INTS4: variants seen among roughly 807,000 people sequenced by gnomAD.
INTS4 encodes MSTP093.
In INTS4, 70 loss-of-function variants were observed where a neutral mutation model predicts 119.5. The observed-to-expected ratio is 0.59, with a 90% CI of 0.48 to 0.71. The LOEUF (loss-of-function observed/expected upper bound fraction) is 0.71, where lower values mean the gene tolerates loss of function less well. Ranked by LOEUF, INTS4 falls within the 30% of genes least tolerant of loss-of-function variation. The pLI is 0.00. For missense variants in INTS4, 867 were observed against 1,173.2 expected (o/e 0.74, Z 3.81); for synonymous variants, 316 against 419.6 (o/e 0.75, Z 3.02).
In INTS4 at chr11:77,990,883, C is replaced by T. The variant is rs534970029; in HGVS notation, c.246+225G>A. ...TCACAGTAACTTCAGCAGTATGATG[C>T]ACCTTATCATTGACATGTCTTGTTT... On this transcript the variant is annotated intron_variant, in intron 2 of 22. Transcript: ENST00000534064. 2.0e-5 allele frequency among the ~76,000 whole-genome samples: 3 copies of T among 152,218 alleles called. No individual in the cohort carries two copies. The South Asian group carries it at 6.2e-4, about 32-fold the overall frequency.
At chr11:77,894,447 G>C in intron 18 of INTS4, 98 bp from the exon 19 acceptor site, 1 of 633,908 alleles carries the variant, frequency 1.6e-6, no homozygotes, top group Middle Eastern at 2.6e-4. Context: ...AGGAAAATTA[G>C]CATATTATAC....
intron 10 of INTS4, 87 bp downstream of exon 10, chr11:77,938,564 A>G: frequency 6.6e-7 from 1 of 1,508,064 alleles, no homozygotes. Context: ...GGACTAAATG[A>G]AACGATACAT....
intron 9 of INTS4, among the ~76,000 whole-genome samples, chr11:77,940,325 G>A (rs1015726738): frequency 2.6e-5 from 4 of 152,160 alleles, no homozygotes; most frequent in African/African-American, 9.7e-5. Flanking sequence ...CAGCTACTCA[G>A]GAGGGTGAGG....
At chr11:77,875,326 CAGTGAGGATGTAGA>C (rs1214483619), downstream of INTS4, among the ~76,000 whole-genome samples, 1 of 152,186 alleles carries the variant, frequency 6.6e-6, no homozygotes, top group Non-Finnish European at 1.5e-5. Flanking sequence ...GTAAACATTA[CAGTGAGGATGTAGA>C]AGTTGCAAAT....
rs542122744 is a variant in INTS4 at position 77,923,991 on chromosome 11, C to G, written c.1514+759G>C. Among the ~76,000 whole-genome samples the G allele has an allele frequency of 1.3e-4, 19 of 150,460 alleles. No homozygotes were observed. In the South Asian group the frequency reaches 4.0e-3, roughly 32 times the overall value. On this transcript the variant is annotated intron_variant, in intron 12 of 22. Transcript: ENST00000534064. ...TGTTGGCCAGGGTGGTCTTGAACTCCTGACCTCAGGTGATCCACCCGCCCC... is the reference window on the plus strand; with the variant it reads ...TGTTGGCCAGGGTGGTCTTGAACTCGTGACCTCAGGTGATCCACCCGCCCC...
intron 4 of INTS4, among the ~76,000 whole-genome samples, chr11:77,973,486 T>A (rs1025680890): frequency 1.3e-5 from 2 of 152,178 alleles, no homozygotes; most frequent in African/African-American, 2.4e-5. Flanking sequence ...CTATTTGTTT[T>A]GTTTCTCATT....
Position 77,961,133 on chromosome 11 carries a change from C to T in INTS4, c.477G>A (p.Leu159=), listed in dbSNP as rs142032963. Reference sequence around the variant, plus strand: ...TTCTTACACCATGAGACGTATCTGTCAGATGCTATTAAAAAAAAAAAAAAA... The same window carrying T: ...TTCTTACACCATGAGACGTATCTGTTAGATGCTATTAAAAAAAAAAAAAAA... ...MRLVDVACKH[L]TDTSHGVRNK... is the part of the protein sequence containing the mutation. Residue 159 remains leucine, a synonymous_variant, in exon 5 of 23, where the codon CTG becomes CTA. Transcript: ENST00000534064. The T allele has an allele frequency of 1.6e-6, 2 of 1,289,808 alleles. No homozygotes were observed. Among genetic ancestry groups the T allele is most frequent in the African/African-American group, 1.8e-5 (1 of 55,614 alleles). The allele number at this position is 1,289,808 out of a possible 1,614,324, so 79.9% of individuals were successfully genotyped here.
At chr11:77,990,349 C>T (rs370494881) in intron 2 of INTS4, among the ~76,000 whole-genome samples, 101 of 152,176 alleles carry the variant, frequency 6.6e-4, no homozygotes, top group African/African-American at 2.3e-3. Flanking sequence ...TATGATGATG[C>T]CACTAAACTC....
intron 1 of INTS4, among the ~76,000 whole-genome samples, chr11:77,993,029 C>G (rs1264003829): frequency 6.6e-6 from 1 of 152,136 alleles, no homozygotes; most frequent in Non-Finnish European, 1.5e-5. Context: ...TCAGTCTTAT[C>G]GAAGCTGTAG....
chr11:77,963,259 T>C (rs904050834), intron 4 of INTS4, among the ~76,000 whole-genome samples: 7 of 149,570 alleles, frequency 4.7e-5, no homozygotes, highest in Non-Finnish European at 7.4e-5. Context: ...ATTACAATTT[T>C]ATGATGTCCT....
At chr11:77,953,501 A>G (rs1954244713) in intron 8 of INTS4, among the ~76,000 whole-genome samples, 1 of 152,358 alleles carries the variant, frequency 6.6e-6, no homozygotes, top group South Asian at 2.1e-4. Flanking sequence ...ATATCAAGTG[A>G]CATATACAAG....
intron 6 of INTS4, among the ~76,000 whole-genome samples, chr11:77,959,382 C>A (rs1219183968): frequency 1.3e-5 from 2 of 152,254 alleles, no homozygotes; most frequent in Non-Finnish European, 2.9e-5. Flanking sequence ...AACTTTTATA[C>A]TCAACACACG....
chr11:77,876,402 CT>C (rs71272225), downstream of INTS4, among the ~76,000 whole-genome samples: 714 of 144,512 alleles, frequency 4.9e-3, 1 homozygote, highest in African/African-American at 9.8e-3. Flanking sequence ...ATAAAAAGGT[CT>C]TTTTTTTTTT....
At chr11:77,954,692 C>T (rs1165749057) in intron 8 of INTS4, among the ~76,000 whole-genome samples, 2 of 152,182 alleles carry the variant, frequency 1.3e-5, no homozygotes, top group African/African-American at 2.4e-5. Flanking sequence ...CGCACATGCT[C>T]AGTTCACAAT....
intron 21 of INTS4, among the ~76,000 whole-genome samples, chr11:77,884,400 C>G (rs572329767): frequency 6.6e-6 from 1 of 152,136 alleles, no homozygotes; most frequent in Admixed American, 6.5e-5. Context: ...TCTCTCTCTA[C>G]GGAGAGACGG....
intron 16 of INTS4, 111 bp from the exon 17 acceptor site, chr11:77,903,731 T>C: frequency 1.4e-6 from 1 of 707,014 alleles, no homozygotes; most frequent in Non-Finnish European, 2.4e-6. Context: ...ACATGACTTC[T>C]CAATTGATCT....
At chr11:77,949,305 A>G (rs1316743136) in intron 8 of INTS4, among the ~76,000 whole-genome samples, 1 of 152,136 alleles carries the variant, frequency 6.6e-6, no homozygotes, top group Non-Finnish European at 1.5e-5. Flanking sequence ...GGACATAGGC[A>G]TGGGCAAAGA....
At chr11:77,879,220 G>T in intron 22 of INTS4, 93 bp from the exon 23 acceptor site, 1 of 1,384,946 alleles carries the variant, frequency 7.2e-7, no homozygotes, top group Non-Finnish European at 9.9e-7. Flanking sequence ...AATGGAAGCA[G>T]TAGGGAGAAA....
intron 8 of INTS4, among the ~76,000 whole-genome samples, chr11:77,951,692 AC>A (rs773751373): frequency 2.0e-5 from 3 of 152,236 alleles, no homozygotes; most frequent in Non-Finnish European, 4.4e-5. Context: ...GAGCTTGTGC[AC>A]AGCAAAAGAA....
Sources: gnomAD v4.1 joint callset for allele counts (sites outside exome capture counted in the v4.1 genomes callset) on GRCh38, gnomAD v4.1.1 for gene constraint, MANE v1.5 for transcripts, NCBI Gene and HGNC (gene_info 2026-07-23, HGNC 2026-07-21) for gene names.